The following STK3 variants were observed in gnomAD, a reference collection of about 807,000 sequenced individuals.
STK3 encodes serine/threonine-protein kinase 3.
STK3 carries 41 observed loss-of-function variants against 58.0 expected under a neutral mutation model. That is an observed-to-expected ratio of 0.71 (90% CI 0.55 to 0.92). The LOEUF (loss-of-function observed/expected upper bound fraction) is 0.92, where lower values mean the gene tolerates loss of function less well. Among genes scored for constraint, STK3 ranks in the 40% least tolerant of loss-of-function variants. STK3 has a pLI of 0.00. For missense variants in STK3, 479 were observed against 602.7 expected, an observed-to-expected ratio of 0.79 and a Z score of 2.15; for synonymous variants, 170 against 191.0, an observed-to-expected ratio of 0.89 and a Z score of 0.91.
chr8:98,401,156 G>A (rs1817940255), downstream of STK3, among the ~76,000 whole-genome samples: 1 of 152,074 alleles, frequency 6.6e-6, no homozygotes. Context: ...GAAGATGCCC[G>A]GCTGCCAGCA....
intron 2 of STK3, among the ~76,000 whole-genome samples, chr8:98,436,161 C>T (rs1051764894): frequency 6.6e-5 from 10 of 152,124 alleles, no homozygotes; most frequent in Admixed American, 2.6e-4. Flanking sequence ...GATTTTGAGG[C>T]GCTGTGTGCT....
intron 1 of STK3, among the ~76,000 whole-genome samples, chr8:98,890,834 T>C (rs1838171622): frequency 6.6e-6 from 1 of 152,238 alleles, no homozygotes; most frequent in Non-Finnish European, 1.5e-5. Flanking sequence ...GATGTACAGA[T>C]AAACCATTAT....
intron 6 of STK3, among the ~76,000 whole-genome samples, chr8:98,687,451 C>G (rs904015010): frequency 6.6e-6 from 1 of 152,112 alleles, no homozygotes; most frequent in African/African-American, 2.4e-5. Flanking sequence ...GGCTGTAATT[C>G]TTGATCGCCC....
the STK3 span, among the ~76,000 whole-genome samples, chr8:98,362,257 C>T: frequency 6.6e-6 from 1 of 152,062 alleles, no homozygotes; most frequent in East Asian, 1.9e-4. Context: ...GGGAAATGCC[C>T]GGTTTGGATC....
At chr8:98,672,353 G>A (rs899191710) in intron 6 of STK3, among the ~76,000 whole-genome samples, 2 of 152,172 alleles carry the variant, frequency 1.3e-5, no homozygotes, top group Non-Finnish European at 2.9e-5. Context: ...CTGCACTCCA[G>A]CCTGGGCAAC....
At chr8:98,822,298 GTTTT>G (rs1198756226) in intron 1 of STK3, among the ~76,000 whole-genome samples, 1 of 151,840 alleles carries the variant, frequency 6.6e-6, no homozygotes, top group Non-Finnish European at 1.5e-5. Flanking sequence ...TTTTCTTTTT[GTTTT>G]GTTTTTATTT....
chr8:98,434,798 C>A (rs749142177), intron 2 of STK3, among the ~76,000 whole-genome samples: 1 of 148,824 alleles, frequency 6.7e-6, no homozygotes, highest in Admixed American at 6.7e-5. Context: ...AACCAGAAAT[C>A]GGAGGGAAAG....
upstream of STK3, among the ~76,000 whole-genome samples, chr8:98,390,753 A>G (rs1817841545): frequency 6.6e-6 from 1 of 151,526 alleles, no homozygotes; most frequent in Non-Finnish European, 1.5e-5. Context: ...TGTTTTTTAG[A>G]TTAGGTCATG....
intron 1 of STK3, among the ~76,000 whole-genome samples, chr8:98,887,609 A>C (rs1838039250): frequency 6.6e-6 from 1 of 152,234 alleles, no homozygotes; most frequent in Non-Finnish European, 1.5e-5. Context: ...AAAAGATTAT[A>C]AACATAAAAG....
intron 1 of STK3, among the ~76,000 whole-genome samples, chr8:98,925,373 G>A (rs895383064): frequency 3.3e-5 from 5 of 152,242 alleles, no homozygotes; most frequent in Non-Finnish European, 5.9e-5. Flanking sequence ...AAAATCTAAA[G>A]AGAGATACGT....
chr8:98,851,668 GA>G (rs1809425297), intron 3 of STK3, among the ~76,000 whole-genome samples: 1 of 152,134 alleles, frequency 6.6e-6, no homozygotes, highest in South Asian at 2.1e-4. Flanking sequence ...AGGAGGAATA[GA>G]AAAAGGAGGG....
intron 1 of STK3, among the ~76,000 whole-genome samples, chr8:98,783,208 T>C (rs1832225077): frequency 6.6e-6 from 1 of 152,182 alleles, no homozygotes; most frequent in Non-Finnish European, 1.5e-5. Flanking sequence ...ACAAAAATGT[T>C]TGTTTTCCCA....
At chr8:98,905,059 T>C in intron 1 of STK3, 1 of 1,030,224 alleles carries the variant, frequency 9.7e-7, no homozygotes, top group South Asian at 1.3e-5. Flanking sequence ...TAGCCCATGG[T>C]GTAAGGCGTG....
At chr8:98,692,035 T>C (rs1477270834) in intron 6 of STK3, among the ~76,000 whole-genome samples, 3 of 152,148 alleles carry the variant, frequency 2.0e-5, no homozygotes, top group Middle Eastern at 3.4e-3. Flanking sequence ...TCAATATCAC[T>C]AGTCATCAGA....
chr8:98,822,776 C>T (rs1331710317), intron 1 of STK3, among the ~76,000 whole-genome samples: 2 of 152,170 alleles, frequency 1.3e-5, no homozygotes, highest in Non-Finnish European at 2.9e-5. Flanking sequence ...TGCCTGTAAT[C>T]CCAGCACTTT....
the STK3 span, among the ~76,000 whole-genome samples, chr8:98,344,054 C>T: frequency 2.0e-5 from 3 of 152,120 alleles, no homozygotes; most frequent in Non-Finnish European, 4.4e-5. Flanking sequence ...TTAAGAGATA[C>T]AATGAAAGGA....
chr8:98,474,260 T>C (rs894137517), intron 10 of STK3, among the ~76,000 whole-genome samples: 17 of 152,134 alleles, frequency 1.1e-4, no homozygotes, highest in Non-Finnish European at 2.4e-4. Context: ...CTATCTTTGC[T>C]CCCCTCCAAT....
chr8:98,802,999 A>G (rs1833657617), intron 1 of STK3, among the ~76,000 whole-genome samples: 1 of 152,220 alleles, frequency 6.6e-6, no homozygotes, highest in African/African-American at 2.4e-5. Flanking sequence ...CCTGGAACAT[A>G]ATAAGAACAA....
intron 4 of STK3, among the ~76,000 whole-genome samples, chr8:98,737,763 A>G (rs2131283439): frequency 6.6e-6 from 1 of 152,246 alleles, no homozygotes; most frequent in East Asian, 1.9e-4. Context: ...GCTAGACTGC[A>G]GTGGCGCAAT....
Sources: allele counts gnomAD v4.1 joint callset (sites outside exome capture counted in the v4.1 genomes callset), GRCh38; gene constraint gnomAD v4.1.1; transcripts MANE v1.5; gene names NCBI Gene and HGNC (gene_info 2026-07-23, HGNC 2026-07-21).